The following SUPT3H variants were observed in gnomAD, a reference collection of about 807,000 sequenced individuals.
SUPT3H encodes SPT3 homolog, SAGA and STAGA complex component.
Under a neutral mutation model 44.3 loss-of-function variants are expected in SUPT3H, and 44 were observed. The observed-to-expected ratio is 0.99, with a 90% CI of 0.78 to 1.28. SUPT3H has a LOEUF of 1.28. SUPT3H is among the 50% of genes most tolerant of loss of function. SUPT3H has a pLI of 0.00. For synonymous variants in SUPT3H, 124 were observed against 125.6 expected (o/e 0.99, Z 0.09); for missense variants, 380 against 387.1 (o/e 0.98, Z 0.15).
intron 9 of SUPT3H, among the ~76,000 whole-genome samples, chr6:44,938,758 G>C (rs1771908146): frequency 6.6e-6 from 1 of 151,954 alleles, no homozygotes; most frequent in Non-Finnish European, 1.5e-5. Context: ...TTCATCGCTG[G>C]TTTGTAGTTT....
At chr6:44,970,318 A>G (rs1181582669) in intron 6 of SUPT3H, among the ~76,000 whole-genome samples, 1 of 152,208 alleles carries the variant, frequency 6.6e-6, no homozygotes, top group Non-Finnish European at 1.5e-5. Flanking sequence ...CTTGGGATAA[A>G]ATGTGTGTTA....
At chr6:45,021,714 T>C (rs2153518581) in intron 3 of SUPT3H, among the ~76,000 whole-genome samples, 1 of 152,154 alleles carries the variant, frequency 6.6e-6, no homozygotes, top group East Asian at 1.9e-4. Context: ...AATCAAATAG[T>C]ACATTTGTGC....
intron 2 of SUPT3H, among the ~76,000 whole-genome samples, chr6:45,273,071 G>A (rs1445907158): frequency 6.6e-6 from 1 of 152,204 alleles, no homozygotes; most frequent in Non-Finnish European, 1.5e-5. Context: ...CTCTGTTCTT[G>A]TCTGCAGCTG....
At chr6:45,204,582 C>G (rs1362203914) in intron 2 of SUPT3H, among the ~76,000 whole-genome samples, 1 of 152,194 alleles carries the variant, frequency 6.6e-6, no homozygotes, top group Admixed American at 6.5e-5. Flanking sequence ...TCAAACAGAT[C>G]TGCTTCAATC....
chr6:45,215,882 T>C (rs1764956855), intron 2 of SUPT3H, among the ~76,000 whole-genome samples: 1 of 152,098 alleles, frequency 6.6e-6, no homozygotes, highest in Non-Finnish European at 1.5e-5. Context: ...CAGAATATAG[T>C]CAAACTGTCA....
intron 2 of SUPT3H, among the ~76,000 whole-genome samples, chr6:45,156,748 A>C (rs988413190): frequency 2.6e-5 from 4 of 150,988 alleles, no homozygotes; most frequent in Admixed American, 2.0e-4. Flanking sequence ...GTTTTCTCTT[A>C]ATATATATAT....
intron 2 of SUPT3H, among the ~76,000 whole-genome samples, chr6:45,363,319 T>A (rs1394710462): frequency 1.3e-5 from 2 of 152,196 alleles, no homozygotes; most frequent in Admixed American, 6.5e-5. Flanking sequence ...TACTAACAAG[T>A]ATATTGTTTT....
chr6:45,098,506 C>T (rs184317538), intron 3 of SUPT3H: 1 of 249,172 alleles, frequency 4.0e-6, no homozygotes, highest in East Asian at 1.0e-4. Context: ...AGGAGTAAGC[C>T]CCACATTTGC....
intron 2 of SUPT3H, among the ~76,000 whole-genome samples, chr6:45,210,353 T>G (rs1202211656): frequency 6.6e-6 from 1 of 152,196 alleles, no homozygotes; most frequent in Non-Finnish European, 1.5e-5. Context: ...CATATCTGAT[T>G]GCTTTCTCTG....
intron 2 of SUPT3H, among the ~76,000 whole-genome samples, chr6:45,287,368 C>G (rs1030638663): frequency 1.6e-4 from 24 of 152,144 alleles, no homozygotes; most frequent in African/African-American, 5.8e-4. Flanking sequence ...CCAACTGTCC[C>G]TCAGCAGATA....
intron 10 of SUPT3H, among the ~76,000 whole-genome samples, chr6:44,916,632 T>G (rs972033799): frequency 6.6e-6 from 1 of 152,214 alleles, no homozygotes; most frequent in Non-Finnish European, 1.5e-5. Flanking sequence ...CAATTATGGC[T>G]CTGGGTCTCT....
At chr6:44,811,303 T>C (rs1766504107) in intron 11 of SUPT3H, among the ~76,000 whole-genome samples, 1 of 152,210 alleles carries the variant, frequency 6.6e-6, no homozygotes, top group Admixed American at 6.5e-5. Context: ...TATGGGTTAT[T>C]GGGAAGATGA....
At chr6:45,146,502 C>T (rs890767567) in intron 2 of SUPT3H, among the ~76,000 whole-genome samples, 1 of 152,028 alleles carries the variant, frequency 6.6e-6, no homozygotes, top group African/African-American at 2.4e-5. Flanking sequence ...GGTGACGGTG[C>T]ACCAGAATCT....
chr6:44,831,010 A>AGACTT (rs1409883718), intron 10 of SUPT3H, among the ~76,000 whole-genome samples: 1 of 152,184 alleles, frequency 6.6e-6, no homozygotes, highest in East Asian at 1.9e-4. Context: ...AATGGAAAGT[A>AGACTT]GACTTAACCC....
chr6:45,150,473 A>G (rs914758327), intron 2 of SUPT3H, among the ~76,000 whole-genome samples: 4 of 152,176 alleles, frequency 2.6e-5, no homozygotes, highest in African/African-American at 9.6e-5. Context: ...CTGAGTAGAG[A>G]GACAACACAA....
intron 2 of SUPT3H, among the ~76,000 whole-genome samples, chr6:45,121,288 T>C (rs1801619720): frequency 6.6e-6 from 1 of 152,172 alleles, no homozygotes; most frequent in Non-Finnish European, 1.5e-5. Context: ...CGTCCCATTT[T>C]TTTCTAGAGA....
intron 2 of SUPT3H, among the ~76,000 whole-genome samples, chr6:45,205,127 T>C (rs944205053): frequency 2.0e-5 from 3 of 152,208 alleles, no homozygotes; most frequent in African/African-American, 7.2e-5. Context: ...ATCCTCTTTC[T>C]ATAACCTGCC....
At chr6:45,221,971 C>G (rs188057526) in intron 2 of SUPT3H, among the ~76,000 whole-genome samples, 2 of 151,860 alleles carry the variant, frequency 1.3e-5, no homozygotes, top group African/African-American at 2.4e-5. Flanking sequence ...AGAAATGGAC[C>G]AAGCAAATAA....
chr6:44,889,592 G>T (rs533542062), intron 10 of SUPT3H, among the ~76,000 whole-genome samples: 2 of 152,050 alleles, frequency 1.3e-5, no homozygotes, highest in Admixed American at 6.6e-5. Flanking sequence ...CCTTCCTTAC[G>T]CCTTATACAA....
Sources: allele counts gnomAD v4.1 joint callset (sites outside exome capture counted in the v4.1 genomes callset), GRCh38; gene constraint gnomAD v4.1.1; transcripts MANE v1.5; gene names NCBI Gene and HGNC (gene_info 2026-07-23, HGNC 2026-07-21).